The following KIAA1217 variants were observed in gnomAD, a reference collection of about 807,000 sequenced individuals.
The protein encoded by KIAA1217 is KIAA1217.
KIAA1217 carries 88 observed loss-of-function variants against 163.9 expected under a neutral mutation model. The observed-to-expected ratio is 0.54, with a 90% CI of 0.45 to 0.64. The LOEUF is 0.64. Among genes scored for constraint, KIAA1217 ranks in the 30% least tolerant of loss-of-function variants. KIAA1217 has a pLI of 0.00. For synonymous variants in KIAA1217, 903 were observed against 923.1 expected, an observed-to-expected ratio of 0.98 and a Z score of 0.39; for missense variants, 2,372 against 2,475.0, an observed-to-expected ratio of 0.96 and a Z score of 0.88.
rs1454003408 is a variant in KIAA1217 at position 24,546,351 on chromosome 10, G to A, written c.*27G>A. The A allele has an allele frequency of 1.9e-6, 3 of 1,542,988 alleles. No homozygotes were observed. The highest frequency in any genetic ancestry group is 2.3e-5 in the East Asian group (1 of 44,184). On this transcript the variant is annotated 3_prime_UTR_variant, in exon 21 of 21. Transcript: ENST00000376454. ...GGTCAAATCCTATTAGGCACAAGTC[G>A]GAGTTACATTTAAAAAAAATTAACA...
intron 1 of KIAA1217, among the ~76,000 whole-genome samples, chr10:23,702,387 A>T (rs930173657): frequency 6.6e-6 from 1 of 152,192 alleles, no homozygotes; most frequent in East Asian, 1.9e-4. Context: ...TATTCTGAAC[A>T]CTCTTCATAA....
Position 24,088,950 on chromosome 10 carries a change from G to A in KIAA1217, c.-171+81576G>A, listed in dbSNP as rs184546705. ...TTCCTATTTCTCCACATCCTCTCTA[G>A]CACCTGTTGTTTCCTGACTTTTTAA... On this transcript the variant is annotated intron_variant, in intron 2 of 18. Coordinates refer to the KIAA1217 transcript ENST00000376462. Among the ~76,000 whole-genome samples the A allele has an allele frequency of 2.2e-3, 280 of 124,940 alleles. 41 individuals are homozygous for A. The East Asian group carries it at 0.03, about 14-fold the overall frequency. The allele number at this position is 124,940 out of a possible 152,430, so 82.0% of individuals were successfully genotyped here.
chr10:23,875,436 C>T (rs1417673118), intron 1 of KIAA1217, among the ~76,000 whole-genome samples: 2 of 151,884 alleles, frequency 1.3e-5, no homozygotes, highest in Non-Finnish European at 2.9e-5. Flanking sequence ...GAGTGGTTGG[C>T]CTCTATTTTA....
At chr10:23,818,760 G>A (rs1200429300) in intron 1 of KIAA1217, among the ~76,000 whole-genome samples, 3 of 152,152 alleles carry the variant, frequency 2.0e-5, no homozygotes, top group Non-Finnish European at 4.4e-5. Context: ...GAAGTGGGAA[G>A]GGTTGGGGGA....
chr10:23,759,196 T>C (rs1834111298), intron 1 of KIAA1217, among the ~76,000 whole-genome samples: 1 of 152,220 alleles, frequency 6.6e-6, no homozygotes, highest in South Asian at 2.1e-4. Flanking sequence ...GGAGTTGTTT[T>C]CTTATTTCCT....
At chr10:23,709,284 G>T (rs978194905) in intron 1 of KIAA1217, among the ~76,000 whole-genome samples, 1 of 152,162 alleles carries the variant, frequency 6.6e-6, no homozygotes, top group Non-Finnish European at 1.5e-5. Context: ...AGCACTTTGG[G>T]AGGCCGAGGT....
intron 1 of KIAA1217, among the ~76,000 whole-genome samples, chr10:23,702,784 T>C (rs1488249868): frequency 6.6e-6 from 1 of 151,924 alleles, no homozygotes; most frequent in East Asian, 1.9e-4. Context: ...ACAGACAATA[T>C]CGAATCCACT....
intron 2 of KIAA1217, among the ~76,000 whole-genome samples, chr10:24,360,040 C>CTTTTTTT (rs34396312): frequency 2.1e-5 from 2 of 94,280 alleles, no homozygotes; most frequent in African/African-American, 4.5e-5. Context: ...GATATAATTA[C>CTTTTTTT]TTTTTTTTTT....
chr10:23,900,177 T>C (rs1005936885), intron 1 of KIAA1217, among the ~76,000 whole-genome samples: 5 of 152,084 alleles, frequency 3.3e-5, no homozygotes, highest in Admixed American at 6.6e-5. Flanking sequence ...GGTTAATTTT[T>C]GTATTTTTAG....
At chr10:24,514,146 C>T (rs1188529670) in intron 10 of KIAA1217, among the ~76,000 whole-genome samples, 1 of 152,122 alleles carries the variant, frequency 6.6e-6, no homozygotes, top group African/African-American at 2.4e-5. Context: ...GCAGGCACAT[C>T]TTTTATGGTA....
chr10:24,368,739 C>A, intron 2 of KIAA1217: 1 of 454,862 alleles, frequency 2.2e-6, no homozygotes, highest in Non-Finnish European at 2.9e-6. Context: ...TTTGTTTGTA[C>A]CCTTCTCCTC....
At chr10:23,974,817 T>C (rs1845471622) in intron 1 of KIAA1217, among the ~76,000 whole-genome samples, 1 of 152,110 alleles carries the variant, frequency 6.6e-6, no homozygotes, top group Admixed American at 6.6e-5. Flanking sequence ...AGGAACTCAG[T>C]ATAAGCTACT....
chr10:23,835,814 T>C lies in KIAA1217; in HGVS notation c.-321+140580T>C, dbSNP rs16923953. On this transcript the variant is annotated intron_variant, in intron 1 of 18. Coordinates refer to the KIAA1217 transcript ENST00000376462. ...GATGTCTCATCACACCACACTGCCA[T>C]GAGAAGTCATTTCTCCTTCCTTTAT... Among the ~76,000 whole-genome samples the C allele has an allele frequency of 5.2e-3, 792 of 152,268 alleles. 11 individuals carry two copies. Among genetic ancestry groups the C allele is most frequent in the African/African-American group, 0.017 (715 of 41,542 alleles).
intron 2 of KIAA1217, among the ~76,000 whole-genome samples, chr10:24,369,741 C>T (rs2134450994): frequency 1.3e-5 from 2 of 152,278 alleles, no homozygotes; most frequent in Admixed American, 1.3e-4. Context: ...AGTATAATAA[C>T]AGCAATCCTC....
chr10:23,729,248 G>T (rs1464881279), intron 1 of KIAA1217, among the ~76,000 whole-genome samples: 1 of 152,148 alleles, frequency 6.6e-6, no homozygotes, highest in Non-Finnish European at 1.5e-5. Flanking sequence ...GAATAAAGCT[G>T]CTATAAACAT....
At chr10:24,520,647 AAAAAATAT>A (rs1337756330) in intron 11 of KIAA1217, among the ~76,000 whole-genome samples, 1 of 81,676 alleles carries the variant, frequency 1.2e-5, no homozygotes, top group African/African-American at 7.0e-5. Context: ...AAAAAAAAAA[AAAAAATAT>A]ATATATATAT....
In KIAA1217 at chr10:24,176,769, G is replaced by A. The variant is rs547376442; in HGVS notation, c.-170-42857G>A. ...GGTGATTGATAGGACTAGGCACCGC[G>A]GAGCGGGGGTGGCGCCCATCGGGGA... is the stretch of plus-strand genomic sequence containing the variant. On this transcript the variant is annotated intron_variant, in intron 2 of 18. Coordinates refer to the KIAA1217 transcript ENST00000376462. 2.4e-4 allele frequency among the ~76,000 whole-genome samples: 36 copies of A among 152,350 alleles called. No homozygotes were observed. The South Asian group carries it at 4.3e-3, about 18-fold the overall frequency.
At chr10:24,459,077 T>G (rs185206037) in intron 5 of KIAA1217, among the ~76,000 whole-genome samples, 105 of 152,062 alleles carry the variant, frequency 6.9e-4, no homozygotes, top group Middle Eastern at 3.4e-3. Context: ...TACTAAACTC[T>G]CCAGGTGATT....
Position 24,235,946 on chromosome 10 carries a change from C to A in KIAA1217, c.354+16037C>A, listed in dbSNP as rs142875096. On this transcript the variant is annotated intron_variant, in intron 2 of 20. Transcript: ENST00000376454. ...TTTTATTAAACTAGGAGTATCAGTG[C>A]CTGGTAGTTAAGTACAGGTGTTTTG... Among the ~76,000 whole-genome samples, 22 of 152,240 alleles carry A rather than the reference C, an allele frequency of 1.4e-4. 1 individual carries two copies. The East Asian group carries it at 2.5e-3, about 17-fold the overall frequency.
Sources: gnomAD v4.1 joint callset for allele counts (sites outside exome capture counted in the v4.1 genomes callset) on GRCh38, gnomAD v4.1.1 for gene constraint, MANE v1.5 for transcripts, NCBI Gene and HGNC (gene_info 2026-07-23, HGNC 2026-07-21) for gene names.